The following COPG2 variants were observed in gnomAD, a reference collection of about 807,000 sequenced individuals.
The protein encoded by COPG2 is coatomer subunit gamma-2.
Under a neutral mutation model 46.3 loss-of-function variants are expected in COPG2, and 37 were observed. That is an observed-to-expected ratio of 0.80 (90% CI 0.61 to 1.05). The LOEUF is 1.05. COPG2 is among the 50% of genes least tolerant of loss of function. COPG2 has a pLI of 0.00. For missense variants in COPG2, 427 were observed against 387.8 expected (o/e 1.10, Z -0.85); for synonymous variants, 159 against 129.7 (o/e 1.23, Z -1.53).
intron 4 of COPG2, among the ~76,000 whole-genome samples, chr7:130,655,882 C>T (rs782507243): frequency 1.3e-5 from 2 of 152,108 alleles, no homozygotes; most frequent in Non-Finnish European, 2.9e-5. Flanking sequence ...TGGCTGTAAA[C>T]AAAACAGAAA....
chr7:130,535,189 T>C (rs1445534573), intron 20 of COPG2, among the ~76,000 whole-genome samples: 77 of 152,108 alleles, frequency 5.1e-4, no homozygotes, highest in Non-Finnish European at 7.9e-4. Flanking sequence ...GAGAGAAATA[T>C]TGGCCACAGA....
intron 5 of COPG2, among the ~76,000 whole-genome samples, chr7:130,642,745 G>A (rs1353723628): frequency 6.6e-6 from 1 of 152,196 alleles, no homozygotes; most frequent in Non-Finnish European, 1.5e-5. Context: ...CCTAACGGCT[G>A]AGCACAGTAG....
intron 4 of COPG2, among the ~76,000 whole-genome samples, chr7:130,662,046 T>C (rs978504007): frequency 1.3e-5 from 2 of 152,168 alleles, no homozygotes; most frequent in African/African-American, 4.8e-5. Context: ...AGAATGAAGA[T>C]ATATGGACAG....
At chr7:130,644,611 G>A (rs1314814096) in intron 5 of COPG2, among the ~76,000 whole-genome samples, 2 of 152,172 alleles carry the variant, frequency 1.3e-5, no homozygotes, top group African/African-American at 4.8e-5. Context: ...GGGATAAATA[G>A]TGTCTTCCAT....
chr7:130,610,076 AT>A (rs782419563), intron 9 of COPG2: 3 of 518,934 alleles, frequency 5.8e-6, no homozygotes, highest in Non-Finnish European at 1.2e-5. Flanking sequence ...TCTACTGACT[AT>A]TTTTTTCCCT....
chr7:130,555,638 C>T (rs1280007813), intron 12 of COPG2, among the ~76,000 whole-genome samples: 1 of 151,714 alleles, frequency 6.6e-6, no homozygotes, highest in Non-Finnish European at 1.5e-5. Flanking sequence ...ACCAGCCTGA[C>T]CAATATGGTG....
intron 23 of COPG2, 92 bp from the exon 24 acceptor site, chr7:130,506,898 A>G: frequency 1.5e-6 from 1 of 646,112 alleles, no homozygotes; most frequent in Non-Finnish European, 2.8e-6. Flanking sequence ...TCTCCTTTCT[A>G]TTAGTTTAGT....
rs200812490 is a variant in COPG2, at chr7:130,508,638, G to T, written c.2171C>A (p.Thr724Asn). 1.0e-3 allele frequency: 798 copies of T among 771,006 alleles called. 2 individuals are homozygous for T. Among genetic ancestry groups the T allele is most frequent in the Non-Finnish European group, 1.6e-3 (660 of 413,666 alleles). The allele number at this position is 771,006 out of a possible 1,614,324, so 47.8% of individuals were successfully genotyped here. A position where few individuals can be genotyped will look rare whatever the true frequency, so the allele number is the denominator to read the frequency against. Residue 724 changes from threonine to asparagine, a missense_variant, in exon 21 of 24, where the codon ACC becomes AAC. Coordinates refer to ENST00000425248, the MANE Select transcript of COPG2 (RefSeq NM_012133.6). Reference protein sequence around the residue: ...PTAVAGSFSCTMKFTVRDCDP... With the variant: ...PTAVAGSFSCNMKFTVRDCDP... ...ACAGTCCCGGACTGTAAACTTCATG[G>T]TGCAGCTAAAGGAGCCTGCAACTGG...
At chr7:130,531,228 C>T (rs952296854) in intron 20 of COPG2, among the ~76,000 whole-genome samples, 13 of 150,342 alleles carry the variant, frequency 8.6e-5, no homozygotes, top group African/African-American at 3.2e-4. Flanking sequence ...GCCAAGCCCC[C>T]AGCATTGAGA....
At position 130,526,438 on chromosome 7, in the gene COPG2, T is replaced by C. The variant is rs1277008063; in HGVS notation, c.2150-17779A>G. On this transcript the variant is annotated intron_variant, in intron 20 of 23. Transcript: ENST00000425248. ...TGGCCAAGGAAGCAAGGAGAAGAAATGTGGACGCAAGGGGAAAGGCTTCAA... is the reference window on the plus strand; with the variant it reads ...TGGCCAAGGAAGCAAGGAGAAGAAACGTGGACGCAAGGGGAAAGGCTTCAA... 1.2e-4 allele frequency among the ~76,000 whole-genome samples: 18 copies of C among 151,250 alleles called. No individual in the cohort carries two copies. In the East Asian group the frequency reaches 3.1e-3, roughly 26 times the overall value.
chr7:130,651,494 A>T (rs1431898660), intron 5 of COPG2, among the ~76,000 whole-genome samples: 677 of 57,200 alleles, frequency 0.012, 7 homozygotes, highest in African/African-American at 0.022. Flanking sequence ...ATTTTTTTGT[A>T]TTTTTTTTTT....
At position 130,627,636 on chromosome 7, in the gene COPG2, T is replaced by C. The variant is rs368449195; in HGVS notation, c.324-10571A>G. On this transcript the variant is annotated intron_variant, in intron 5 of 23. Coordinates refer to ENST00000425248, the MANE Select transcript of COPG2 (RefSeq NM_012133.6). The stretch of plus-strand genomic sequence containing the variant: ...CCGTCTTCATGACACCAGCCCCAGA[T>C]AGTCACTACCCACAGCAACAACTTT... Among the ~76,000 whole-genome samples the C allele has an allele frequency of 3.3e-5, 5 of 152,112 alleles. No homozygotes were observed. In the South Asian group the frequency reaches 1.0e-3, roughly 32 times the overall value.
intron 9 of COPG2, among the ~76,000 whole-genome samples, chr7:130,589,629 T>C (rs1186512559): frequency 6.6e-6 from 1 of 152,206 alleles, no homozygotes; most frequent in East Asian, 1.9e-4. Context: ...TTACAAAGTA[T>C]TTCTACCAAT....
At chr7:130,613,358 G>C (rs932363724) in intron 7 of COPG2, among the ~76,000 whole-genome samples, 186 bp downstream of exon 7, 1 of 152,220 alleles carries the variant, frequency 6.6e-6, no homozygotes, top group Non-Finnish European at 1.5e-5. Context: ...ACAGGTCACA[G>C]ACCAGTACTG....
intron 20 of COPG2, among the ~76,000 whole-genome samples, chr7:130,527,734 C>T (rs1053298121): frequency 9.7e-4 from 147 of 152,176 alleles, no homozygotes; most frequent in African/African-American, 3.2e-3. Context: ...GGGGAAGATG[C>T]ATGTGTGGCA....
At chr7:130,523,338 A>G (rs1044840014) in intron 20 of COPG2, among the ~76,000 whole-genome samples, 93 of 149,512 alleles carry the variant, frequency 6.2e-4, no homozygotes, top group African/African-American at 1.8e-3. Context: ...AAAGTAAAGG[A>G]AAAAAAAAGC....
chr7:130,643,270 G>C (rs1795526523), intron 5 of COPG2, among the ~76,000 whole-genome samples: 1 of 151,688 alleles, frequency 6.6e-6, no homozygotes, highest in Non-Finnish European at 1.5e-5. Context: ...ACTCCAGCCT[G>C]GGCGACAGAG....
chr7:130,629,400 T>TTA (rs1554454820), intron 5 of COPG2, among the ~76,000 whole-genome samples: 1 of 47,288 alleles, frequency 2.1e-5, no homozygotes, highest in African/African-American at 3.9e-5. Flanking sequence ...ATTATTATCA[T>TTA]TTTTTTTTTT....
intron 9 of COPG2, among the ~76,000 whole-genome samples, chr7:130,589,058 T>C (rs963507187): frequency 6.6e-6 from 1 of 152,084 alleles, no homozygotes; most frequent in East Asian, 1.9e-4. Flanking sequence ...GAAACAATAA[T>C]TAATTCCTGA....
Sources: gnomAD v4.1 joint callset for allele counts (sites outside exome capture counted in the v4.1 genomes callset) on GRCh38, gnomAD v4.1.1 for gene constraint, MANE v1.5 for transcripts, NCBI Gene and HGNC (gene_info 2026-07-23, HGNC 2026-07-21) for gene names.